Variants in MYRIP observed in about 807,000 individuals in gnomAD.
MYRIP encodes myosin VIIA and Rab interacting protein.
Under a neutral mutation model 98.0 loss-of-function variants are expected in MYRIP, and 49 were observed. The ratio of observed to expected loss-of-function variants is 0.50; its 90% CI spans 0.40 to 0.63. MYRIP has a LOEUF of 0.63. MYRIP is among the 30% of genes least tolerant of loss of function. MYRIP has a pLI of 0.00. For missense variants in MYRIP, 1,004 were observed against 1,058.2 expected, an observed-to-expected ratio of 0.95 and a Z score of 0.71; for synonymous variants, 404 against 409.5, an observed-to-expected ratio of 0.99 and a Z score of 0.16.
At chr3:40,055,815 T>C (rs1947874445) in intron 3 of MYRIP, among the ~76,000 whole-genome samples, 1 of 152,164 alleles carries the variant, frequency 6.6e-6, no homozygotes, top group South Asian at 2.1e-4. Flanking sequence ...TGGACCAGGA[T>C]CTAGACAGCA....
chr3:40,230,621 T>C (rs1952624914), intron 11 of MYRIP, among the ~76,000 whole-genome samples: 1 of 152,100 alleles, frequency 6.6e-6, no homozygotes. Flanking sequence ...CAACTTCCAG[T>C]AGGTGCATGG....
At chr3:39,906,212 T>G (rs2125676035) in intron 2 of MYRIP, among the ~76,000 whole-genome samples, 1 of 152,206 alleles carries the variant, frequency 6.6e-6, no homozygotes, top group East Asian at 1.9e-4. Flanking sequence ...GTCCCATTTG[T>G]AGGAAAGTTG....
intron 2 of MYRIP, among the ~76,000 whole-genome samples, chr3:39,982,243 T>C (rs1275990015): frequency 2.6e-5 from 4 of 152,180 alleles, no homozygotes; most frequent in Non-Finnish European, 4.4e-5. Flanking sequence ...CTTAATATAA[T>C]TGGTGACAGA....
At chr3:40,155,127 G>A (rs530209049) in intron 4 of MYRIP, among the ~76,000 whole-genome samples, 45 of 149,930 alleles carry the variant, frequency 3.0e-4, no homozygotes, top group Middle Eastern at 3.5e-3. Context: ...ATCTCCTAAC[G>A]CTATCCCTCC....
chr3:40,136,702 A>G (rs949209647), intron 3 of MYRIP, among the ~76,000 whole-genome samples: 2 of 152,194 alleles, frequency 1.3e-5, no homozygotes, highest in African/African-American at 4.8e-5. Context: ...CCACAGTGCA[A>G]TCAAACTAGA....
At chr3:39,922,769 T>A (rs1944333394) in intron 2 of MYRIP, among the ~76,000 whole-genome samples, 1 of 152,114 alleles carries the variant, frequency 6.6e-6, no homozygotes, top group African/African-American at 2.4e-5. Context: ...TTTCAGAACA[T>A]AATACAATAG....
chr3:40,178,149 G>A (rs1950808806), intron 8 of MYRIP, among the ~76,000 whole-genome samples: 1 of 152,122 alleles, frequency 6.6e-6, no homozygotes, highest in East Asian at 1.9e-4. Context: ...CTCTTTGAGA[G>A]CAAAGACTGT....
At chr3:40,252,371 A>T (rs1437547424) in intron 16 of MYRIP, among the ~76,000 whole-genome samples, 1 of 152,202 alleles carries the variant, frequency 6.6e-6, no homozygotes, top group East Asian at 1.9e-4. Flanking sequence ...GCTTACACCC[A>T]GAAGATTTCA....
intron 1 of MYRIP, among the ~76,000 whole-genome samples, chr3:39,812,944 T>G (rs1412837167): frequency 6.6e-6 from 1 of 152,224 alleles, no homozygotes; most frequent in Middle Eastern, 3.2e-3. Context: ...CAGCTCTTTA[T>G]GAAGATGGCC....
At position 39,856,821 on chromosome 3, in the gene MYRIP, G is replaced by A. The variant is rs114225068; in HGVS notation, c.-30-43966G>A. The stretch of plus-strand genomic sequence containing the variant: ...GCCTTGAAGAGATAATTAACTCCCC[G>A]ATATGCAGACATTGATGTAAGGATA... On this transcript the variant is annotated intron_variant, in intron 1 of 16. Transcript: ENST00000302541. 7.4e-3 allele frequency among the ~76,000 whole-genome samples: 1,130 copies of A among 152,258 alleles called. 15 individuals carry two copies. Among genetic ancestry groups the A allele is most frequent in the African/African-American group, 0.026 (1,076 of 41,546 alleles).
intron 2 of MYRIP, among the ~76,000 whole-genome samples, chr3:39,919,725 T>TGAGAGAGAGAGA (rs1338639798): frequency 2.2e-4 from 31 of 143,946 alleles, no homozygotes; most frequent in African/African-American, 8.1e-4. Context: ...TGTGTGTGTG[T>TGAGAGAGAGAGA]GTGAGAGAGA....
intron 2 of MYRIP, among the ~76,000 whole-genome samples, chr3:40,017,552 G>T (rs1409331652): frequency 6.6e-6 from 1 of 152,008 alleles, no homozygotes; most frequent in East Asian, 1.9e-4. Flanking sequence ...TGTTTGTTTT[G>T]CTTGAATACC....
intron 2 of MYRIP, among the ~76,000 whole-genome samples, chr3:39,957,907 C>A (rs1406530119): frequency 6.6e-6 from 1 of 152,186 alleles, no homozygotes; most frequent in Non-Finnish European, 1.5e-5. Context: ...AGAGCCAAAT[C>A]ATGAGTGAAC....
chr3:40,031,857 C>T (rs556441777), intron 2 of MYRIP, among the ~76,000 whole-genome samples: 3 of 151,962 alleles, frequency 2.0e-5, no homozygotes, highest in South Asian at 2.1e-4. Context: ...TTTTTTATTG[C>T]GTCTATTTGA....
At chr3:40,075,439 G>A (rs1948322968) in intron 3 of MYRIP, among the ~76,000 whole-genome samples, 2 of 152,156 alleles carry the variant, frequency 1.3e-5, no homozygotes, top group South Asian at 4.1e-4. Context: ...ATGGGAGAAG[G>A]GCGAGAGCAT....
intron 2 of MYRIP, among the ~76,000 whole-genome samples, chr3:39,908,305 T>G (rs1943933944): frequency 6.6e-6 from 1 of 152,174 alleles, no homozygotes; most frequent in Non-Finnish European, 1.5e-5. Context: ...GCTCCTCTTC[T>G]GGCCTGTGTT....
chr3:40,175,514 C>T (rs911128485), intron 8 of MYRIP, among the ~76,000 whole-genome samples: 7 of 152,236 alleles, frequency 4.6e-5, no homozygotes, highest in African/African-American at 1.7e-4. Flanking sequence ...CCCTCCTTTC[C>T]CATTCTCAGA....
chr3:39,990,416 G>T (rs1946145667), intron 2 of MYRIP, among the ~76,000 whole-genome samples: 1 of 152,168 alleles, frequency 6.6e-6, no homozygotes, highest in South Asian at 2.1e-4. Flanking sequence ...ACTGCTTCTA[G>T]TCAGCCATCT....
intron 13 of MYRIP, 89 bp from the exon 14 acceptor site, chr3:40,250,133 T>A (rs1269974886): frequency 2.8e-6 from 3 of 1,072,364 alleles, no homozygotes; most frequent in Non-Finnish European, 4.2e-6. Context: ...TCAAAGCAGA[T>A]TTGTCTTTAT....
Sources: allele counts gnomAD v4.1 joint callset (sites outside exome capture counted in the v4.1 genomes callset), GRCh38; gene constraint gnomAD v4.1.1; transcripts MANE v1.5; gene names NCBI Gene and HGNC (gene_info 2026-07-23, HGNC 2026-07-21).